UNC5D: variants seen among roughly 807,000 people sequenced by gnomAD.
UNC5D encodes unc-5 netrin receptor D.
A neutral mutation model predicts 105.4 loss-of-function variants in UNC5D; 39 were observed. The observed-to-expected ratio is 0.37, with a 90% CI of 0.29 to 0.48. UNC5D has a LOEUF of 0.48. Among genes scored for constraint, UNC5D ranks in the 20% least tolerant of loss-of-function variants. UNC5D has a pLI of 0.98. For synonymous variants in UNC5D, 452 were observed against 450.4 expected (o/e 1.00, Z -0.04); for missense variants, 991 against 1,202.4 (o/e 0.82, Z 2.60).
chr8:35,639,415 A>G (rs1017696777), intron 4 of UNC5D, among the ~76,000 whole-genome samples: 1 of 152,230 alleles, frequency 6.6e-6, no homozygotes, highest in Non-Finnish European at 1.5e-5. Context: ...AAGATAGAAG[A>G]GTAATCATAG....
At chr8:35,551,586 G>T (rs1056121663) in intron 2 of UNC5D, among the ~76,000 whole-genome samples, 1 of 152,116 alleles carries the variant, frequency 6.6e-6, no homozygotes, top group Admixed American at 6.5e-5. Flanking sequence ...TTGGGAGGCC[G>T]AGGTGGGTGG....
chr8:35,594,765 A>G (rs956439431), intron 3 of UNC5D, among the ~76,000 whole-genome samples: 1 of 151,994 alleles, frequency 6.6e-6, no homozygotes. Flanking sequence ...GCTGGTTAAC[A>G]CTCAGCCTGG....
At chr8:35,525,673 C>T in intron 1 of UNC5D, 2 of 1,610,772 alleles carry the variant, frequency 1.2e-6, no homozygotes, top group Non-Finnish European at 1.7e-6. Context: ...TAGTCAAAGG[C>T]TACCACCTCG....
intron 1 of UNC5D, among the ~76,000 whole-genome samples, chr8:35,377,563 G>C (rs2128929514): frequency 6.6e-6 from 1 of 152,280 alleles, no homozygotes; most frequent in Non-Finnish European, 1.5e-5. Flanking sequence ...GAGCAGGCTG[G>C]GAATGTATCT....
At chr8:35,476,639 G>A (rs560586283) in intron 1 of UNC5D, among the ~76,000 whole-genome samples, 1 of 152,150 alleles carries the variant, frequency 6.6e-6, no homozygotes, top group African/African-American at 2.4e-5. Flanking sequence ...TTATTTCAGA[G>A]CTAAGTTTTC....
At chr8:35,420,753 G>A (rs1193560799) in intron 1 of UNC5D, among the ~76,000 whole-genome samples, 1 of 135,398 alleles carries the variant, frequency 7.4e-6, no homozygotes, top group Non-Finnish European at 1.6e-5. Flanking sequence ...TTTTTTTTTT[G>A]TTTCCTAGAG....
At chr8:35,423,685 A>T (rs1459229902) in intron 1 of UNC5D, among the ~76,000 whole-genome samples, 1 of 152,182 alleles carries the variant, frequency 6.6e-6, no homozygotes, top group East Asian at 1.9e-4. Context: ...GAGACAAAGC[A>T]ATTGGAAACT....
intron 1 of UNC5D, among the ~76,000 whole-genome samples, chr8:35,335,097 T>C (rs773526733): frequency 6.6e-6 from 1 of 152,378 alleles, no homozygotes; most frequent in Non-Finnish European, 1.5e-5. Context: ...GGTTCTTCTA[T>C]GCTGTGTGTG....
intron 1 of UNC5D, among the ~76,000 whole-genome samples, chr8:35,446,880 T>G (rs10104759): frequency 0.38 from 57,797 of 151,988 alleles, 12,096 homozygotes; most frequent in African/African-American, 0.55. Flanking sequence ...GAGGGAAGAC[T>G]GAAACTAATA....
At chr8:35,719,916 T>C (rs1254987196) in intron 8 of UNC5D, among the ~76,000 whole-genome samples, 1 of 152,170 alleles carries the variant, frequency 6.6e-6, no homozygotes, top group African/African-American at 2.4e-5. Flanking sequence ...TTTAAAATTT[T>C]ATAATTTAGT....
chr8:35,699,892 C>G (rs1040963358), intron 7 of UNC5D, among the ~76,000 whole-genome samples: 1 of 152,174 alleles, frequency 6.6e-6, no homozygotes, highest in Non-Finnish European at 1.5e-5. Context: ...TGGGTTATAT[C>G]TTAATCTTTT....
At chr8:35,744,276 TA>T (rs2131617753) in intron 11 of UNC5D, among the ~76,000 whole-genome samples, 1 of 152,328 alleles carries the variant, frequency 6.6e-6, no homozygotes, top group East Asian at 1.9e-4. Context: ...CTGGGAACGT[TA>T]ACTTGGTCAT....
At chr8:35,760,526 C>A (rs545136703) in intron 14 of UNC5D, among the ~76,000 whole-genome samples, 1 of 152,264 alleles carries the variant, frequency 6.6e-6, no homozygotes, top group South Asian at 2.1e-4. Context: ...TGTGATCCTG[C>A]CACTGAAGTC....
intron 3 of UNC5D, among the ~76,000 whole-genome samples, chr8:35,575,661 C>T (rs1818041372): frequency 6.6e-6 from 1 of 152,124 alleles, no homozygotes; most frequent in Admixed American, 6.5e-5. Flanking sequence ...GACCGATGCT[C>T]AACACTTGGT....
intron 1 of UNC5D, among the ~76,000 whole-genome samples, chr8:35,493,851 T>C (rs1034545316): frequency 7.9e-5 from 12 of 152,196 alleles, no homozygotes; most frequent in Non-Finnish European, 1.5e-4. Flanking sequence ...TAGGTTATAC[T>C]AGAATATACC....
intron 11 of UNC5D, among the ~76,000 whole-genome samples, chr8:35,742,275 G>A (rs1283568127): frequency 6.6e-6 from 1 of 151,824 alleles, no homozygotes; most frequent in Admixed American, 6.6e-5. Flanking sequence ...AAGAGAGAGA[G>A]ACAAATAATA....
rs757150412 is a variant in UNC5D at position 35,726,108 on chromosome 8, A to G, written c.1304-44A>G. Reference sequence around the variant, plus strand: ...AGGCAGAAGTACAGGAGTAACTGAGATGCCTTTTAGTTTCTGAGTGACAGA... The same window carrying G: ...AGGCAGAAGTACAGGAGTAACTGAGGTGCCTTTTAGTTTCTGAGTGACAGA... On this transcript the variant is annotated intron_variant, in intron 9 of 16. Transcript: ENST00000404895. 1.9e-6 allele frequency: 3 copies of G among 1,570,924 alleles called. No homozygotes were observed. The African/African-American group carries it at 4.1e-5, about 21-fold the overall frequency.
intron 3 of UNC5D, among the ~76,000 whole-genome samples, chr8:35,593,046 TACACACACACACACAC>T (rs200962371): frequency 7.1e-5 from 10 of 141,224 alleles, no homozygotes; most frequent in African/African-American, 1.8e-4. Context: ...GTAGTTTTTA[TACACACACACACACAC>T]ACACACACAC....
chr8:35,485,944 C>T (rs1014722517), intron 1 of UNC5D, among the ~76,000 whole-genome samples: 15 of 152,190 alleles, frequency 9.9e-5, no homozygotes, highest in African/African-American at 3.6e-4. Flanking sequence ...GTTCTGGCCC[C>T]TCCTACAGAT....
Sources: allele counts gnomAD v4.1 joint callset (sites outside exome capture counted in the v4.1 genomes callset), GRCh38; gene constraint gnomAD v4.1.1; transcripts MANE v1.5; gene names NCBI Gene and HGNC (gene_info 2026-07-23, HGNC 2026-07-21).